The following XKR6 variants were observed in gnomAD, a reference collection of about 807,000 sequenced individuals.
The protein encoded by XKR6 is XK related 6.
XKR6 carries 22 observed loss-of-function variants against 56.7 expected under a neutral mutation model. The ratio of observed to expected loss-of-function variants is 0.39; its 90% CI spans 0.28 to 0.55. The LOEUF (loss-of-function observed/expected upper bound fraction) is 0.55, where lower values mean the gene tolerates loss of function less well. XKR6 is among the 20% of genes least tolerant of loss of function. The pLI is 0.66. For missense variants in XKR6, 852 were observed against 889.0 expected (o/e 0.96, Z 0.53); for synonymous variants, 524 against 387.8 (o/e 1.35, Z -4.13).
intron 1 of XKR6, among the ~76,000 whole-genome samples, chr8:11,057,501 G>T (rs538388416): frequency 6.6e-6 from 1 of 152,220 alleles, no homozygotes; most frequent in African/African-American, 2.4e-5. Flanking sequence ...GTGCATCGTC[G>T]TGGCTCATCC....
chr8:11,183,548 C>A (rs1803109906), intron 1 of XKR6, among the ~76,000 whole-genome samples: 1 of 151,858 alleles, frequency 6.6e-6, no homozygotes, highest in Non-Finnish European at 1.5e-5. Flanking sequence ...GTCTTGAACT[C>A]CTGGCCTCAA....
intron 1 of XKR6, among the ~76,000 whole-genome samples, chr8:10,941,134 C>A (rs934222500): frequency 2.0e-5 from 3 of 152,152 alleles, no homozygotes; most frequent in Non-Finnish European, 4.4e-5. Context: ...GGAGACCCCT[C>A]CAGGCCCTGT....
intron 1 of XKR6, among the ~76,000 whole-genome samples, chr8:11,111,274 C>T (rs1165296473): frequency 1.3e-5 from 2 of 152,188 alleles, no homozygotes; most frequent in Non-Finnish European, 1.5e-5. Flanking sequence ...ATTCATTCAG[C>T]CAATAATAGA....
chr8:11,127,736 C>G (rs539194221), intron 1 of XKR6, among the ~76,000 whole-genome samples: 44 of 152,194 alleles, frequency 2.9e-4, no homozygotes, highest in Non-Finnish European at 5.4e-4. Context: ...CCTTAATCAC[C>G]TCTGTAAAGT....
chr8:11,072,613 C>T (rs560535275), intron 1 of XKR6, among the ~76,000 whole-genome samples: 3 of 152,362 alleles, frequency 2.0e-5, no homozygotes, highest in South Asian at 4.1e-4. Flanking sequence ...CTCCATGCCC[C>T]TGGGACTCTG....
chr8:11,142,845 G>T (rs897075394), intron 1 of XKR6, among the ~76,000 whole-genome samples: 1 of 152,192 alleles, frequency 6.6e-6, no homozygotes, highest in African/African-American at 2.4e-5. Flanking sequence ...CTTCAATGAG[G>T]ATGAGAATGA....
At chr8:11,017,281 T>C (rs1472715267) in intron 1 of XKR6, among the ~76,000 whole-genome samples, 2 of 152,260 alleles carry the variant, frequency 1.3e-5, no homozygotes, top group Non-Finnish European at 2.9e-5. Context: ...GTATATGTCC[T>C]GAAGGGACAA....
chr8:10,990,032 T>C (rs1041945438), intron 1 of XKR6, among the ~76,000 whole-genome samples: 11 of 152,218 alleles, frequency 7.2e-5, no homozygotes, highest in African/African-American at 2.7e-4. Flanking sequence ...CTTCTGCGTG[T>C]GATCTACAAT....
chr8:11,033,003 CGAT>C (rs1328757890), intron 1 of XKR6, among the ~76,000 whole-genome samples: 4 of 151,698 alleles, frequency 2.6e-5, no homozygotes, highest in Admixed American at 6.6e-5. Flanking sequence ...ATGATGAAAA[CGAT>C]GATCAGGATG....
chr8:11,010,352 A>G lies in XKR6; in HGVS notation c.765-85522T>C, dbSNP rs577798752. 6.6e-5 allele frequency among the ~76,000 whole-genome samples: 10 copies of G among 152,324 alleles called. 1 individual carries two copies. The South Asian group carries it at 1.5e-3, about 22-fold the overall frequency. ...TTGGGCAGGAACACAAATCCAAACC[A>G]TACCAATAATAATAGTAATAGTAAA... On this transcript the variant is annotated intron_variant, in intron 1 of 2. Coordinates refer to ENST00000416569, the MANE Select transcript of XKR6 (RefSeq NM_173683.4).
intron 1 of XKR6, among the ~76,000 whole-genome samples, chr8:11,047,768 T>C (rs2129158489): frequency 6.6e-6 from 1 of 152,328 alleles, no homozygotes; most frequent in African/African-American, 2.4e-5. Flanking sequence ...ATAGTTAAAA[T>C]GGTAAATTTA....
intron 1 of XKR6, among the ~76,000 whole-genome samples, chr8:11,130,065 A>T (rs1800027608): frequency 6.6e-6 from 1 of 152,152 alleles, no homozygotes; most frequent in Non-Finnish European, 1.5e-5. Context: ...ACAGAAAGGT[A>T]ATCTCATTAC....
chr8:10,974,427 C>T (rs1802494086), intron 1 of XKR6, among the ~76,000 whole-genome samples: 6 of 152,194 alleles, frequency 3.9e-5, no homozygotes, highest in Non-Finnish European at 7.3e-5. Flanking sequence ...ACCACCCGCT[C>T]AGAGGGAGGC....
In XKR6 at chr8:11,036,516, C is replaced by T. The variant is rs75181014; in HGVS notation, c.765-111686G>A. Among the ~76,000 whole-genome samples, 19 of 152,346 alleles carry T rather than the reference C, an allele frequency of 1.2e-4. No individual in the cohort carries two copies. In the East Asian group the frequency reaches 3.1e-3, roughly 25 times the overall value. On this transcript the variant is annotated intron_variant, in intron 1 of 2. Transcript: ENST00000416569. ...GCACATTCTTAGGCCCCACCCCAGA[C>T]TTGCTACATCAGCATCTCTGGGTGG...
chr8:11,200,818 C>G lies in XKR6; in HGVS notation c.522G>C (p.Leu174=). The G allele has an allele frequency of 6.2e-7, 1 of 1,611,882 alleles. No homozygotes were observed. The highest frequency in any genetic ancestry group is 8.5e-7 in the Non-Finnish European group (1 of 1,179,488). The change falls in exon 1 of 3, where the codon CTG becomes CTC. Residue 174 remains leucine (L), a synonymous_variant. Transcript: ENST00000416569. This position sits in a 1 kb window ranked among gnomAD's most constrained non-coding sequence, Gnocchi z 6.4. The stretch of plus-strand genomic sequence containing the variant: ...AGCGGAAGCTCAGGCTCTGCACCAG[C>G]AGCGACGGCACCAGCACGAAGAAGA... The part of the protein sequence containing the change: ...LTLFFVLVPS[L]LVQSLSFRWF...
intron 1 of XKR6, among the ~76,000 whole-genome samples, chr8:11,054,019 T>C (rs74416324): frequency 0.01 from 1,579 of 152,328 alleles, 29 homozygotes; most frequent in African/African-American, 0.035. Context: ...TTTCCTTCTT[T>C]ATATTTCCTC....
intron 1 of XKR6, among the ~76,000 whole-genome samples, chr8:10,998,073 G>T (rs948675477): frequency 2.6e-5 from 4 of 152,050 alleles, no homozygotes; most frequent in African/African-American, 9.7e-5. Flanking sequence ...GGACAACAGG[G>T]GATTGGGGGT....
chr8:11,157,691 G>C (rs375904517), intron 1 of XKR6, among the ~76,000 whole-genome samples: 1 of 152,078 alleles, frequency 6.6e-6, no homozygotes, highest in Non-Finnish European at 1.5e-5. Context: ...AATTCTTTGG[G>C]GTTTTTCTGG....
chr8:10,965,802 C>T (rs923196646), intron 1 of XKR6, among the ~76,000 whole-genome samples: 5 of 152,228 alleles, frequency 3.3e-5, no homozygotes, highest in African/African-American at 4.8e-5. Context: ...TTCTTGCTTC[C>T]GACCGTTCAC....
Sources: allele counts gnomAD v4.1 joint callset (sites outside exome capture counted in the v4.1 genomes callset), GRCh38; gene constraint gnomAD v4.1.1; non-coding constraint Gnocchi (gnomAD v3.1); transcripts MANE v1.5; gene names NCBI Gene and HGNC (gene_info 2026-07-23, HGNC 2026-07-21).